The following HPSE2 variants were observed in gnomAD, a reference collection of about 807,000 sequenced individuals.
HPSE2 encodes the protein heparanase 2 (inactive), also known as inactive heparanase-2.
HPSE2 carries 38 observed loss-of-function variants against 60.5 expected under a neutral mutation model. The observed-to-expected ratio is 0.63, with a 90% CI of 0.48 to 0.82. HPSE2 has a LOEUF of 0.82. HPSE2 is among the 40% of genes least tolerant of loss of function. HPSE2 has a pLI of 0.00. For missense variants in HPSE2, 713 were observed against 740.4 expected (o/e 0.96, Z 0.43); for synonymous variants, 295 against 293.2 (o/e 1.01, Z -0.06).
At chr10:99,200,688 T>C (rs1848547164) in intron 2 of HPSE2, among the ~76,000 whole-genome samples, 1 of 152,138 alleles carries the variant, frequency 6.6e-6, no homozygotes, top group East Asian at 1.9e-4. Context: ...ATGACAATGA[T>C]GATGATGACA....
intron 3 of HPSE2, among the ~76,000 whole-genome samples, chr10:98,982,076 C>T (rs1013593642): frequency 2.1e-4 from 31 of 151,160 alleles, no homozygotes; most frequent in African/African-American, 3.2e-4. Flanking sequence ...TGTTTCTCCT[C>T]GTTCAACATA....
intron 4 of HPSE2, among the ~76,000 whole-genome samples, chr10:98,743,608 A>G (rs188689629): frequency 1.5e-3 from 226 of 152,366 alleles, no homozygotes; most frequent in African/African-American, 5.4e-3. Context: ...TTTGTTAGTC[A>G]TAAATCACTA....
intron 3 of HPSE2, among the ~76,000 whole-genome samples, chr10:99,056,368 C>T (rs2135512504): frequency 6.6e-6 from 1 of 152,106 alleles, no homozygotes; most frequent in Admixed American, 6.6e-5. Context: ...TAAATTCAAC[C>T]TTGAAGGAAG....
rs1296296997 is a variant in HPSE2 at position 99,232,439 on chromosome 10, C to G, written c.357G>C (p.Arg119Ser). 1 of 1,556,970 alleles carries G rather than the reference C, an allele frequency of 6.4e-7. No individual in the cohort carries two copies. Among genetic ancestry groups the G allele is most frequent in the Non-Finnish European group, 8.7e-7 (1 of 1,149,950 alleles). The change falls in exon 2 of 12, where the codon AGG (arginine) becomes AGC (serine). Residue 119 changes from arginine to serine, a missense_variant. Coordinates refer to ENST00000370552, the MANE Select transcript of HPSE2 (RefSeq NM_021828.5). Reference sequence around the variant, plus strand: ...GGTTCTGGAACTGCAGGAAGTCGGTCCTTTTGCCCCCGAAGCGCAGAAAGG... The same window carrying G: ...GGTTCTGGAACTGCAGGAAGTCGGTGCTTTTGCCCCCGAAGCGCAGAAAGG... The part of the protein sequence containing the change: ...SPAFLRFGGK[R>S]TDFLQFQNLR...
At chr10:99,173,804 A>G (rs1048723360) in intron 2 of HPSE2, among the ~76,000 whole-genome samples, 8 of 151,990 alleles carry the variant, frequency 5.3e-5, no homozygotes, top group Non-Finnish European at 1.2e-4. Flanking sequence ...TTAGCCAGGC[A>G]TGGTGGCACA....
intron 3 of HPSE2, among the ~76,000 whole-genome samples, chr10:99,092,846 A>G (rs1347999504): frequency 3.3e-5 from 5 of 152,230 alleles, no homozygotes; most frequent in Admixed American, 1.3e-4. Flanking sequence ...TGTGGTTCCA[A>G]TGAGACTTGT....
intron 6 of HPSE2, among the ~76,000 whole-genome samples, chr10:98,643,639 T>G (rs1270144150): frequency 6.6e-6 from 1 of 152,204 alleles, no homozygotes; most frequent in Non-Finnish European, 1.5e-5. Flanking sequence ...CTGTTCATAG[T>G]AGTACTTCTT....
chr10:98,838,707 C>A (rs1218993648), intron 3 of HPSE2, among the ~76,000 whole-genome samples: 1 of 152,070 alleles, frequency 6.6e-6, no homozygotes, highest in Non-Finnish European at 1.5e-5. Flanking sequence ...GCTGGGATTA[C>A]AGGCGTAAGC....
intron 3 of HPSE2, among the ~76,000 whole-genome samples, chr10:98,849,016 C>CA (rs10717237): frequency 0.026 from 3,588 of 140,330 alleles, 53 homozygotes; most frequent in African/African-American, 0.04. Flanking sequence ...GTGGGAAAGA[C>CA]AAAAAAAAAA....
intron 3 of HPSE2, among the ~76,000 whole-genome samples, chr10:99,041,734 C>G (rs1957744018): frequency 6.6e-6 from 1 of 152,164 alleles, no homozygotes; most frequent in South Asian, 2.1e-4. Flanking sequence ...CTGGCCTGGG[C>G]CCCCAGTGTA....
chr10:98,743,013 C>T (rs1256567260), intron 4 of HPSE2, among the ~76,000 whole-genome samples: 3 of 140,808 alleles, frequency 2.1e-5, no homozygotes, highest in Non-Finnish European at 3.0e-5. Context: ...CTTGCTGTTG[C>T]CCAGGCTGGA....
chr10:98,666,047 A>G (rs1174599060), intron 6 of HPSE2, among the ~76,000 whole-genome samples: 3 of 152,218 alleles, frequency 2.0e-5, no homozygotes, highest in Non-Finnish European at 4.4e-5. Context: ...CCAATCTCAC[A>G]TGTAATAACA....
chr10:99,183,966 C>G (rs1294046193), intron 2 of HPSE2, among the ~76,000 whole-genome samples: 1 of 152,034 alleles, frequency 6.6e-6, no homozygotes, highest in African/African-American at 2.4e-5. Context: ...TTTTACCACT[C>G]TAACAAATTT....
chr10:98,802,239 G>A (rs527549175), intron 3 of HPSE2, among the ~76,000 whole-genome samples: 2 of 151,462 alleles, frequency 1.3e-5, no homozygotes, highest in East Asian at 1.9e-4. Context: ...AGAAAACATT[G>A]GGAAAACTCT....
At chr10:98,935,221 G>C (rs1256023489) in intron 3 of HPSE2, among the ~76,000 whole-genome samples, 2 of 142,352 alleles carry the variant, frequency 1.4e-5, no homozygotes, top group Non-Finnish European at 3.0e-5. Context: ...TTTGCATTGG[G>C]TTAGAATATA....
the HPSE2 span, among the ~76,000 whole-genome samples, chr10:99,264,583 C>G: frequency 6.6e-6 from 1 of 152,144 alleles, no homozygotes; most frequent in African/African-American, 2.4e-5. Context: ...AAGGGTGGAG[C>G]CCAAAAACTC....
At chr10:98,563,931 A>C (rs1944265076) in intron 9 of HPSE2, among the ~76,000 whole-genome samples, 1 of 152,160 alleles carries the variant, frequency 6.6e-6, no homozygotes, top group African/African-American at 2.4e-5. Context: ...AGGGCTGGAG[A>C]AACTCTTTAA....
chr10:98,587,888 T>C (rs116009432), intron 9 of HPSE2, among the ~76,000 whole-genome samples: 8,572 of 152,306 alleles, frequency 0.056, 294 homozygotes, highest in Middle Eastern at 0.13. Context: ...CTTTTTAAAA[T>C]TGTAAAATAT....
intron 2 of HPSE2, among the ~76,000 whole-genome samples, chr10:99,200,181 T>C (rs1327993611): frequency 6.6e-6 from 1 of 151,058 alleles, no homozygotes; most frequent in Non-Finnish European, 1.5e-5. Context: ...TTTTATATTA[T>C]GTGTTTTTTT....
Sources: allele counts gnomAD v4.1 joint callset (sites outside exome capture counted in the v4.1 genomes callset), GRCh38; gene constraint gnomAD v4.1.1; transcripts MANE v1.5; gene names NCBI Gene and HGNC (gene_info 2026-07-23, HGNC 2026-07-21).